LNPEP: variants seen among roughly 807,000 people sequenced by gnomAD.
LNPEP encodes leucyl-cystinyl aminopeptidase.
A neutral mutation model predicts 120.6 loss-of-function variants in LNPEP; 64 were observed. That is an observed-to-expected ratio of 0.53 (90% confidence interval 0.43 to 0.65). The LOEUF is 0.65. Among genes scored for constraint, LNPEP ranks in the 30% least tolerant of loss-of-function variants. The pLI is 0.00. For missense variants in LNPEP, 1,057 were observed against 1,200.0 expected, an observed-to-expected ratio of 0.88 and a Z score of 1.76; for synonymous variants, 435 against 425.4, an observed-to-expected ratio of 1.02 and a Z score of -0.28.
At chr5:96,990,812 A>G (rs971437527) in intron 4 of LNPEP, among the ~76,000 whole-genome samples, 3 of 152,174 alleles carry the variant, frequency 2.0e-5, no homozygotes, top group Non-Finnish European at 4.4e-5. Context: ...TGCCACCTCC[A>G]TATTTCTATG....
chr5:97,013,351 T>C (rs990652094), intron 11 of LNPEP, among the ~76,000 whole-genome samples: 1 of 152,192 alleles, frequency 6.6e-6, no homozygotes, highest in Non-Finnish European at 1.5e-5. Context: ...TGTATGATAT[T>C]GTACTTGCCT....
chr5:96,936,286 TC>T, intron 1 of LNPEP, 112 bp downstream of exon 1: 1 of 666,202 alleles, frequency 1.5e-6, no homozygotes, highest in Non-Finnish European at 2.0e-6. Context: ...ACCGCGGGCT[TC>T]CCACGAGGGC....
At chr5:96,993,584 C>G (rs1790442959) in intron 5 of LNPEP, among the ~76,000 whole-genome samples, 2 of 152,306 alleles carry the variant, frequency 1.3e-5, no homozygotes, top group South Asian at 4.1e-4. Flanking sequence ...AATTAGGCAT[C>G]TCTTTCTTCA....
chr5:97,028,325 C>T, intron 17 of LNPEP, 77 bp from the exon 18 acceptor site: 1 of 1,365,236 alleles, frequency 7.3e-7, no homozygotes, highest in Non-Finnish European at 1.0e-6. Flanking sequence ...TAAGTTAAAG[C>T]TTATTTTAAA....
intron 13 of LNPEP, among the ~76,000 whole-genome samples, chr5:97,021,923 G>GTTTTTTTTTTTTTTTTTTTT (rs1165456605): frequency 1.7e-5 from 1 of 57,170 alleles, no homozygotes; most frequent in African/African-American, 7.7e-5. Context: ...TTTGTCTTTT[G>GTTTTTTTTTTTTTTTTTTTT]TTTTTTTTTT....
chr5:97,021,921 TTG>T (rs1218170197), intron 13 of LNPEP, among the ~76,000 whole-genome samples: 61 of 140,660 alleles, frequency 4.3e-4, no homozygotes, highest in South Asian at 2.3e-4. Flanking sequence ...TTTTTGTCTT[TTG>T]TTTTTTTTTT....
chr5:96,994,093 G>T, intron 6 of LNPEP, 122 bp downstream of exon 6: 1 of 770,564 alleles, frequency 1.3e-6, no homozygotes, highest in East Asian at 2.6e-5. Context: ...TTTTATAATA[G>T]AAAGATGCTT....
chr5:96,971,218 C>T (rs1384886535), intron 1 of LNPEP, among the ~76,000 whole-genome samples: 1 of 151,970 alleles, frequency 6.6e-6, no homozygotes, highest in African/African-American at 2.4e-5. Flanking sequence ...CCACCGTTGA[C>T]ATGAGAAGTT....
intron 2 of LNPEP, among the ~76,000 whole-genome samples, 165 bp downstream of exon 2, chr5:96,980,143 A>C (rs973963764): frequency 2.6e-5 from 4 of 152,104 alleles, no homozygotes; most frequent in Admixed American, 2.6e-4. Flanking sequence ...TATCTCTCTT[A>C]GTCAACGCCT....
At chr5:96,976,431 G>A (rs923256584) in intron 1 of LNPEP, among the ~76,000 whole-genome samples, 1 of 152,098 alleles carries the variant, frequency 6.6e-6, no homozygotes, top group Non-Finnish European at 1.5e-5. Context: ...TGAAATTAAT[G>A]ACATGCAGAC....
chr5:96,943,724 A>G (rs933513101), intron 1 of LNPEP, among the ~76,000 whole-genome samples: 3 of 152,242 alleles, frequency 2.0e-5, no homozygotes, highest in African/African-American at 7.2e-5. Context: ...CATTTGCCAA[A>G]TAAGGAAAAT....
At chr5:97,011,449 C>G (rs943191470) in intron 11 of LNPEP, among the ~76,000 whole-genome samples, 1 of 152,124 alleles carries the variant, frequency 6.6e-6, no homozygotes, top group African/African-American at 2.4e-5. Context: ...AGGCTGCTCT[C>G]AAACTCCTGG....
intron 6 of LNPEP, among the ~76,000 whole-genome samples, chr5:96,994,769 A>G (rs577489815): frequency 6.6e-6 from 1 of 152,338 alleles, no homozygotes; most frequent in South Asian, 2.1e-4. Context: ...GCCTTTGTGA[A>G]GACTTCATGA....
At chr5:96,946,536 G>A (rs1459372561) in intron 1 of LNPEP, among the ~76,000 whole-genome samples, 4 of 152,168 alleles carry the variant, frequency 2.6e-5, no homozygotes, top group South Asian at 2.1e-4. Context: ...ATATTATTGC[G>A]ATAAAGACTT....
intron 1 of LNPEP, among the ~76,000 whole-genome samples, chr5:96,968,463 T>C (rs1041012115): frequency 4.6e-5 from 7 of 152,044 alleles, no homozygotes; most frequent in African/African-American, 1.7e-4. Context: ...AAAGTGAATA[T>C]AATAATATTT....
chr5:96,943,442 A>T (rs571916541), intron 1 of LNPEP, among the ~76,000 whole-genome samples: 1 of 152,132 alleles, frequency 6.6e-6, no homozygotes, highest in Non-Finnish European at 1.5e-5. Context: ...GCACACCACC[A>T]TGCCTGGCTA....
chr5:96,951,421 C>T (rs1056530668), intron 1 of LNPEP, among the ~76,000 whole-genome samples: 1 of 152,090 alleles, frequency 6.6e-6, no homozygotes, highest in South Asian at 2.1e-4. Context: ...CCACGCCTGG[C>T]TAATTTTTTG....
chr5:96,968,505 C>A (rs1789781115), intron 1 of LNPEP, among the ~76,000 whole-genome samples: 1 of 151,748 alleles, frequency 6.6e-6, no homozygotes, highest in African/African-American at 2.4e-5. Flanking sequence ...TTTTTCAGGG[C>A]CCATTTAAGG....
At chr5:97,010,748 A>C in intron 11 of LNPEP, 42 of 985,338 alleles carry the variant, frequency 4.3e-5, no homozygotes, top group Non-Finnish European at 5.1e-5. Context: ...TTGAAGTGTT[A>C]ATCTGTTGAT....
Sources: gnomAD v4.1 joint callset for allele counts (sites outside exome capture counted in the v4.1 genomes callset) on GRCh38, gnomAD v4.1.1 for gene constraint, MANE v1.5 for transcripts, NCBI Gene and HGNC (gene_info 2026-07-23, HGNC 2026-07-21) for gene names.